CDH12: variants seen among roughly 807,000 people sequenced by gnomAD.
CDH12 encodes the protein cadherin 12.
CDH12 carries 41 observed loss-of-function variants against 74.1 expected under a neutral mutation model. The observed-to-expected ratio is 0.55, with a 90% CI of 0.43 to 0.72. The LOEUF is 0.72. Ranked by LOEUF, CDH12 falls within the 30% of genes least tolerant of loss-of-function variation. The probability of loss-of-function intolerance (pLI) is 0.00; values close to 1 mark genes in which losing one functional copy is unlikely to be tolerated. For synonymous variants in CDH12, 399 were observed against 355.0 expected (o/e 1.12, Z -1.39); for missense variants, 945 against 977.2 (o/e 0.97, Z 0.44).
intron 1 of CDH12, among the ~76,000 whole-genome samples, chr5:22,716,220 T>C (rs1181606809): frequency 1.3e-5 from 2 of 152,010 alleles, no homozygotes; most frequent in Non-Finnish European, 2.9e-5. Context: ...AAACCCAAAA[T>C]ATTAACAGAA....
chr5:22,153,405 G>C (rs186781834), intron 4 of CDH12, among the ~76,000 whole-genome samples: 1 of 151,358 alleles, frequency 6.6e-6, no homozygotes, highest in Non-Finnish European at 1.5e-5. Context: ...TATTATCTAG[G>C]GTCTTAACCA....
At chr5:21,990,456 G>A (rs1757696525) in intron 5 of CDH12, among the ~76,000 whole-genome samples, 1 of 151,922 alleles carries the variant, frequency 6.6e-6, no homozygotes, top group East Asian at 1.9e-4. Context: ...GTCTTCATAT[G>A]TAAAATGTAG....
At chr5:22,095,892 C>T (rs962763708) in intron 4 of CDH12, among the ~76,000 whole-genome samples, 7 of 151,288 alleles carry the variant, frequency 4.6e-5, no homozygotes, top group South Asian at 2.1e-4. Context: ...CTCTGCACCA[C>T]GATCCCTTAT....
At chr5:22,655,469 C>T (rs1232980481) in intron 1 of CDH12, among the ~76,000 whole-genome samples, 1 of 152,134 alleles carries the variant, frequency 6.6e-6, no homozygotes, top group Non-Finnish European at 1.5e-5. Context: ...ATCTCCACAC[C>T]ATCTTCTATT....
At chr5:22,552,438 T>C (rs1191079064) in intron 1 of CDH12, among the ~76,000 whole-genome samples, 1 of 151,812 alleles carries the variant, frequency 6.6e-6, no homozygotes, top group East Asian at 1.9e-4. Context: ...CTTTTCTTTT[T>C]TTTTTTTTTA....
chr5:21,826,688 A>G (rs532105362), intron 8 of CDH12, among the ~76,000 whole-genome samples: 4 of 152,196 alleles, frequency 2.6e-5, no homozygotes, highest in Non-Finnish European at 4.4e-5. Flanking sequence ...GTGTGTCAAC[A>G]TGAAGGAAAC....
At chr5:22,175,539 T>G (rs1353007362) in intron 4 of CDH12, among the ~76,000 whole-genome samples, 1 of 152,204 alleles carries the variant, frequency 6.6e-6, no homozygotes, top group Middle Eastern at 3.4e-3. Context: ...TTCCTAAGTA[T>G]CAGAAGGAAA....
intron 1 of CDH12, among the ~76,000 whole-genome samples, chr5:22,511,994 G>T (rs541580374): frequency 1.3e-5 from 2 of 151,754 alleles, no homozygotes; most frequent in African/African-American, 4.8e-5. Flanking sequence ...GTGTGTGTTT[G>T]TTGAGCATGT....
intron 1 of CDH12, among the ~76,000 whole-genome samples, chr5:22,692,030 A>G (rs1182112248): frequency 1.3e-5 from 2 of 152,098 alleles, no homozygotes; most frequent in African/African-American, 4.8e-5. Context: ...TCTGATCCCC[A>G]ATGTTAGAGG....
chr5:21,946,885 TG>T (rs1755602174), intron 6 of CDH12, among the ~76,000 whole-genome samples: 1 of 152,190 alleles, frequency 6.6e-6, no homozygotes, highest in Non-Finnish European at 1.5e-5. Flanking sequence ...AATCTCATCT[TG>T]AATTGTAATC....
At chr5:22,746,591 T>C (rs1364326382) in intron 1 of CDH12, among the ~76,000 whole-genome samples, 4 of 152,210 alleles carry the variant, frequency 2.6e-5, no homozygotes, top group Admixed American at 1.3e-4. Context: ...TTTCTGACAG[T>C]ACGTTTAGGA....
At chr5:21,759,409 C>A (rs1744587806) in intron 13 of CDH12, among the ~76,000 whole-genome samples, 1 of 150,596 alleles carries the variant, frequency 6.6e-6, no homozygotes, top group Admixed American at 6.6e-5. Context: ...ATGTCTCTCC[C>A]TCCCTCTAAA....
At chr5:22,267,870 G>A (rs962766105) in intron 3 of CDH12, among the ~76,000 whole-genome samples, 5 of 152,118 alleles carry the variant, frequency 3.3e-5, no homozygotes, top group African/African-American at 7.2e-5. Context: ...AAGCCTGGAC[G>A]TAGACTACCT....
At chr5:22,724,779 T>C (rs910632620) in intron 1 of CDH12, among the ~76,000 whole-genome samples, 11 of 152,046 alleles carry the variant, frequency 7.2e-5, no homozygotes, top group Non-Finnish European at 1.3e-4. Flanking sequence ...TAATAATTTC[T>C]CTATTTTTAG....
chr5:21,816,509 C>A (rs1320603081), intron 9 of CDH12, among the ~76,000 whole-genome samples: 1 of 150,274 alleles, frequency 6.7e-6, no homozygotes. Flanking sequence ...TCTGTAATCC[C>A]AGCTACTCAG....
At chr5:22,785,033 T>C (rs1483864966) in intron 1 of CDH12, among the ~76,000 whole-genome samples, 3 of 152,152 alleles carry the variant, frequency 2.0e-5, no homozygotes, top group African/African-American at 7.2e-5. Context: ...AATATTTGAT[T>C]TTTGTGTACG....
At chr5:22,848,473 T>TC (rs934242410) in intron 1 of CDH12, among the ~76,000 whole-genome samples, 6 of 152,176 alleles carry the variant, frequency 3.9e-5, no homozygotes, top group African/African-American at 1.4e-4. Flanking sequence ...GTATTTTAGT[T>TC]CAATTATGTA....
At chr5:21,833,072 A>AT (rs1491391773) in intron 8 of CDH12, among the ~76,000 whole-genome samples, 14 of 70,560 alleles carry the variant, frequency 2.0e-4, no homozygotes, top group African/African-American at 7.0e-4. Context: ...ATAACATATA[A>AT]TATATATTAT....
intron 1 of CDH12, among the ~76,000 whole-genome samples, chr5:22,811,324 T>A (rs1417573735): frequency 6.6e-6 from 1 of 152,130 alleles, no homozygotes; most frequent in African/African-American, 2.4e-5. Flanking sequence ...AAATCCCAAC[T>A]TAGACAATAT....
Sources: gnomAD v4.1 joint callset for allele counts (sites outside exome capture counted in the v4.1 genomes callset) on GRCh38, gnomAD v4.1.1 for gene constraint, MANE v1.5 for transcripts, NCBI Gene and HGNC (gene_info 2026-07-23, HGNC 2026-07-21) for gene names.